ZBTB4: variants seen among roughly 807,000 people sequenced by gnomAD.
ZBTB4 encodes zinc finger and BTB domain containing 4, also known as zinc finger and BTB domain-containing protein 4.
ZBTB4 carries 14 observed loss-of-function variants against 59.8 expected under a neutral mutation model. The observed-to-expected ratio is 0.23, with a 90% CI of 0.15 to 0.37. The LOEUF (loss-of-function observed/expected upper bound fraction) is 0.37. Ranked by LOEUF, ZBTB4 falls within the 10% of genes least tolerant of loss-of-function variation. The pLI is 1.00. For synonymous variants in ZBTB4, 587 were observed against 575.2 expected, an observed-to-expected ratio of 1.02 and a Z score of -0.29; for missense variants, 1,198 against 1,380.8, an observed-to-expected ratio of 0.87 and a Z score of 2.10.
chr17:7,464,362 G>T (rs2070080155), intron 3 of ZBTB4, among the ~76,000 whole-genome samples: 8 of 148,842 alleles, frequency 5.4e-5, no homozygotes. Context: ...TGGAGGTGAG[G>T]TTGCAGTGAG....
rs773818635 is a variant in ZBTB4, at chr17:7,466,136, G to A, written c.666C>T (p.Ala222=). ...GGGGCAGGGAGCACTGCAAGTCAGGGGCCTGGGCCTCAGCCCTGTCACCCT... is the reference window on the plus strand; with the variant it reads ...GGGGCAGGGAGCACTGCAAGTCAGGAGCCTGGGCCTCAGCCCTGTCACCCT... ...EWEGDRAEAQ[A]PDLQCSLPRR... The change falls in exon 3 of 4, where the codon GCC becomes GCT. Residue 222 remains alanine (A), a synonymous_variant. Coordinates refer to ENST00000380599, the MANE Select transcript of ZBTB4 (RefSeq NM_001128833.2). The surrounding 1 kb of genome is among the most constrained non-coding windows in gnomAD (Gnocchi z 9.1). 1.9e-6 allele frequency: 3 copies of A among 1,611,712 alleles called. No homozygotes were observed. Among genetic ancestry groups the A allele is most frequent in the South Asian group, 2.2e-5 (2 of 90,970 alleles).
In ZBTB4 at chr17:7,466,798, G is replaced by A. The variant is rs1228268786; in HGVS notation, c.4C>T (p.Pro2Ser). ...GGGTCCGTCACCTCTGCAGGGGGGGGCATGGTGCCAGCCTAGACAGTGGGA... is the reference window on the plus strand; with the variant it reads ...GGGTCCGTCACCTCTGCAGGGGGGGACATGGTGCCAGCCTAGACAGTGGGA... M[P>S]PPAEVTDPSH... Residue 2 changes from proline to serine, a missense_variant, in exon 3 of 4, where the codon CCC becomes TCC. Physicochemically the swap from Pro to Ser is moderately conservative, Grantham distance 74. Coordinates refer to ENST00000380599, the MANE Select transcript of ZBTB4 (RefSeq NM_001128833.2). The surrounding 1 kb of genome is among the most constrained non-coding windows in gnomAD (Gnocchi z 9.1). The A allele has an allele frequency of 6.4e-7, 1 of 1,559,804 alleles. No homozygotes were observed. Among genetic ancestry groups the A allele is most frequent in the Non-Finnish European group, 8.7e-7 (1 of 1,154,876 alleles).
chr17:7,472,372 G>A (rs1182353931), intron 1 of ZBTB4, among the ~76,000 whole-genome samples: 3 of 152,070 alleles, frequency 2.0e-5, no homozygotes, highest in Non-Finnish European at 4.4e-5. Context: ...TGTATTTTTA[G>A]TAGAGACGAG....
intron 1 of ZBTB4, among the ~76,000 whole-genome samples, chr17:7,477,532 C>A (rs905832573): frequency 4.6e-5 from 7 of 152,186 alleles, no homozygotes; most frequent in African/African-American, 1.7e-4. Context: ...CCAGTGGGGC[C>A]GGGCACAGTA....
intron 3 of ZBTB4, among the ~76,000 whole-genome samples, chr17:7,464,468 CTG>C (rs2070083639): frequency 1.4e-5 from 2 of 141,692 alleles, no homozygotes; most frequent in South Asian, 4.5e-4. Context: ...GCTGAAGGAA[CTG>C]GGGCTGGAGG....
upstream of ZBTB4, chr17:7,481,269 G>A (rs2070341448): frequency 5.4e-6 from 2 of 368,046 alleles, 1 homozygote; most frequent in Non-Finnish European, 9.1e-6. Context: ...GGTGGAGGTT[G>A]CAGTGAGATG....
At chr17:7,474,986 T>C (rs1597778596) in intron 1 of ZBTB4, among the ~76,000 whole-genome samples, 1 of 114,900 alleles carries the variant, frequency 8.7e-6, no homozygotes, top group African/African-American at 3.4e-5. Context: ...CATTCCAGCC[T>C]GGGCGACAGA....
At position 7,463,902 on chromosome 17, in the gene ZBTB4, C is replaced by G. The variant is rs748909345; in HGVS notation, c.1092-12G>C. The G allele has an allele frequency of 4.4e-6, 7 of 1,608,358 alleles. No individual in the cohort carries two copies. The highest frequency in any genetic ancestry group is 1.3e-5 in the African/African-American group (1 of 74,850). On this transcript the variant is annotated splice_polypyrimidine_tract_variant and intron_variant, in intron 3 of 3. Coordinates refer to ENST00000380599, the MANE Select transcript of ZBTB4 (RefSeq NM_001128833.2). ...AGATGCACTGGTACCTGGGTCAGGA[C>G]AGCAGGGAATAGGGCAGGAACACAG...
chr17:7,474,691 C>T (rs2070245398), intron 1 of ZBTB4, among the ~76,000 whole-genome samples: 1 of 152,064 alleles, frequency 6.6e-6, no homozygotes, highest in Non-Finnish European at 1.5e-5. Flanking sequence ...CTGAGTTGGC[C>T]TGGAGATAGG....
At chr17:7,464,354 G>C (rs921983125) in intron 3 of ZBTB4, among the ~76,000 whole-genome samples, 8 of 58,260 alleles carry the variant, frequency 1.4e-4, no homozygotes. Context: ...ATGAACCCTG[G>C]AGGTGAGGTT....
chr17:7,479,305 C>T (rs1280235008), intron 1 of ZBTB4, among the ~76,000 whole-genome samples, 151 bp downstream of exon 1: 2 of 151,968 alleles, frequency 1.3e-5, no homozygotes, highest in Non-Finnish European at 2.9e-5. Flanking sequence ...CAGGCTCAGC[C>T]CCCGACCCCT....
Position 7,462,501 on chromosome 17 carries a change from G to A in ZBTB4, c.2481C>T (p.Ser827=). The change falls in exon 4 of 4, where the codon TCC becomes TCT. Residue 827 remains serine, a synonymous_variant. Transcript: ENST00000380599. This position sits in a 1 kb window ranked among gnomAD's most constrained non-coding sequence, Gnocchi z 7.5. ...EAPQEMQVSS[S]SGEAGGGSTA... ...TGCTCCCGCCACCTGCCTCACCGCT[G>A]GATGAGGAGACTTGCATCTCTTGGG... The A allele has an allele frequency of 6.2e-7, 1 of 1,614,020 alleles. No homozygotes were observed. Among genetic ancestry groups the A allele is most frequent in the Non-Finnish European group, 8.5e-7 (1 of 1,180,010 alleles).
In ZBTB4 at chr17:7,468,455, G is replaced by A. The variant is rs139294673; in HGVS notation, c.-80-1128C>T. On this transcript the variant is annotated intron_variant, in intron 1 of 3. Coordinates refer to ENST00000380599, the MANE Select transcript of ZBTB4 (RefSeq NM_001128833.2). Reference sequence around the variant, plus strand: ...GGCAGTCAGCAGCAGAGAAAGCACCGCGCAGCCACCTTCCCCTGCAGGCAC... The same window carrying A: ...GGCAGTCAGCAGCAGAGAAAGCACCACGCAGCCACCTTCCCCTGCAGGCAC... Among the ~76,000 whole-genome samples, 203 of 152,306 alleles carry A rather than the reference G, an allele frequency of 1.3e-3. 1 individual carries two copies. The highest frequency in any genetic ancestry group is 4.6e-3 in the African/African-American group (190 of 41,568).
Position 7,461,645 on chromosome 17 carries a change from T to C in ZBTB4, c.*295A>G, listed in dbSNP as rs2070021949. ...GGGGGCTGTGAGTAGAGATTCAGGT[T>C]AAGTATATTGCTCAGTTGCCCCAAG... is the stretch of plus-strand genomic sequence containing the variant. On this transcript the variant is annotated 3_prime_UTR_variant, in exon 4 of 4. Transcript: ENST00000380599. 3.2e-6 allele frequency: 1 copy of C among 310,356 alleles called. No individual in the cohort carries two copies. Among genetic ancestry groups the C allele is most frequent in the African/African-American group, 2.2e-5 (1 of 45,954 alleles). The allele number at this position is 310,356 out of a possible 1,614,324, so 19.2% of individuals were successfully genotyped here.
intron 1 of ZBTB4, among the ~76,000 whole-genome samples, chr17:7,471,801 G>C (rs533440774): frequency 5.3e-5 from 8 of 152,322 alleles, no homozygotes; most frequent in African/African-American, 1.9e-4. Flanking sequence ...TATTTAGTTT[G>C]TAGAACTCAG....
Position 7,462,975 on chromosome 17 carries a change from G to A in ZBTB4, c.2007C>T (p.Ser669=). ...GEDQLWRPYY[S]YKPKRKAGAA... The stretch of plus-strand genomic sequence containing the variant: ...CTCCAGCCTTGCGCTTAGGCTTGTA[G>A]GAGTAGTAGGGCCTCCAGAGCTGGT... Residue 669 remains serine (S), a synonymous_variant, in exon 4 of 4, where the codon TCC becomes TCT. Transcript: ENST00000380599. The surrounding 1 kb of genome is among the most constrained non-coding windows in gnomAD (Gnocchi z 7.5). The A allele has an allele frequency of 6.2e-7, 1 of 1,608,508 alleles. No individual in the cohort carries two copies. The highest frequency in any genetic ancestry group is 1.1e-5 in the South Asian group (1 of 90,388).
intron 3 of ZBTB4, 61 bp from the exon 4 acceptor site, chr17:7,463,951 G>C: frequency 6.4e-7 from 1 of 1,552,802 alleles, no homozygotes; most frequent in South Asian, 1.2e-5. Context: ...GGGCCCTGAA[G>C]CCTCCCAGGT....
rs2070117264 is a variant in ZBTB4 at position 7,466,051 on chromosome 17, T to C, written c.751A>G (p.Thr251Ala). ...KSFIHPKRLQ[T>A]HEAQCRRGAS... is the part of the protein sequence containing the mutation. The stretch of plus-strand genomic sequence containing the variant: ...CCTCGTCGGCACTGGGCCTCATGGG[T>C]CTGCAGCCGTTTGGGATGGATGAAG... Residue 251 changes from threonine (T) to alanine (A), a missense_variant, in exon 3 of 4, where the codon ACC becomes GCC. Coordinates refer to ENST00000380599, the MANE Select transcript of ZBTB4 (RefSeq NM_001128833.2). The surrounding 1 kb of genome is among the most constrained non-coding windows in gnomAD (Gnocchi z 9.1). 2 of 1,607,914 alleles carry C rather than the reference T, an allele frequency of 1.2e-6. No homozygotes were observed. The highest frequency in any genetic ancestry group is 2.2e-5 in the East Asian group (1 of 44,740).
chr17:7,467,421 T>A (rs2070143120), intron 1 of ZBTB4, 94 bp from the exon 2 acceptor site: 1 of 240,914 alleles, frequency 4.2e-6, no homozygotes, highest in African/African-American at 2.3e-5. Flanking sequence ...CCCCAGGAAG[T>A]GGGGAGGGGT....
Sources: allele counts gnomAD v4.1 joint callset (sites outside exome capture counted in the v4.1 genomes callset), GRCh38; gene constraint gnomAD v4.1.1; non-coding constraint Gnocchi (gnomAD v3.1); transcripts MANE v1.5; gene names NCBI Gene and HGNC (gene_info 2026-07-23, HGNC 2026-07-21).